The following EZH2 variants were observed in gnomAD, a reference collection of about 807,000 sequenced individuals.
The protein encoded by EZH2 is enhancer of zeste 2 polycomb repressive complex 2 subunit, also known as histone-lysine N-methyltransferase EZH2.
EZH2 carries 18 observed loss-of-function variants against 98.4 expected under a neutral mutation model. That is an observed-to-expected ratio of 0.18 (90% CI 0.13 to 0.27). EZH2 has a LOEUF of 0.27. Ranked by LOEUF, EZH2 falls within the 10% of genes least tolerant of loss-of-function variation. EZH2 has a pLI of 1.00. For synonymous variants in EZH2, 338 were observed against 312.3 expected, an observed-to-expected ratio of 1.08 and a Z score of -0.87; for missense variants, 470 against 935.1, an observed-to-expected ratio of 0.50 and a Z score of 6.49.
chr7:148,860,649 A>G (rs1265372051), intron 1 of EZH2, among the ~76,000 whole-genome samples: 2 of 152,196 alleles, frequency 1.3e-5, no homozygotes, highest in African/African-American at 2.4e-5. Context: ...ATGAAAAACT[A>G]AAGAGTTTTT....
At position 148,818,124 on chromosome 7, in the gene EZH2, A is replaced by G; in HGVS notation, c.1000-7T>C. 2 of 1,543,066 alleles carry G rather than the reference A, an allele frequency of 1.3e-6. No individual in the cohort carries two copies. The highest frequency in any genetic ancestry group is 1.7e-6 in the Non-Finnish European group (2 of 1,148,850). The stretch of plus-strand genomic sequence containing the variant: ...CAAACTCCTTTGCTCCCTCCTACGA[A>G]ATGAAAAATGTCAACATCAGGGCAA... On this transcript the variant is annotated splice_region_variant and splice_polypyrimidine_tract_variant and intron_variant, in intron 9 of 19. Transcript: ENST00000320356.
intron 3 of EZH2, among the ~76,000 whole-genome samples, chr7:148,833,884 C>A (rs1448634994): frequency 1.3e-5 from 2 of 152,150 alleles, no homozygotes; most frequent in Non-Finnish European, 2.9e-5. Flanking sequence ...CTCTGGAGCC[C>A]CTGCTCTTCC....
At position 148,814,807 on chromosome 7, in the gene EZH2, CAAGTA is replaced by C. The variant is rs1459522695; in HGVS notation, c.1672+102_1672+106del. The C allele has an allele frequency of 2.2e-5, 29 of 1,348,204 alleles. No homozygotes were observed. The African/African-American group carries it at 4.2e-4, about 20-fold the overall frequency. 83.5% of individuals were successfully genotyped at this position (1,348,204 alleles called of 1,614,324 possible). ...TACTTGTCAAATTGATGAGTTTCGT[CAAGTA>C]AACAAGGGAGTGCTCCCATGTTCTT... On this transcript the variant is annotated intron_variant, in intron 14 of 19. Transcript: ENST00000320356.
At chr7:148,816,588 T>A in intron 12 of EZH2, 96 bp downstream of exon 12, 1 of 833,974 alleles carries the variant, frequency 1.2e-6, no homozygotes, top group Non-Finnish European at 2.0e-6. Flanking sequence ...TTTTTAAAAA[T>A]AGACTAAGTA....
At chr7:148,847,821 A>G (rs144659533) in intron 1 of EZH2, among the ~76,000 whole-genome samples, 2 of 152,286 alleles carry the variant, frequency 1.3e-5, no homozygotes, top group Non-Finnish European at 2.9e-5. Flanking sequence ...CTCCCCACAC[A>G]CTTAATCATG....
At chr7:148,880,650 C>T (rs950537565) in intron 1 of EZH2, among the ~76,000 whole-genome samples, 3 of 152,274 alleles carry the variant, frequency 2.0e-5, no homozygotes, top group African/African-American at 7.2e-5. Context: ...TGTAATCATT[C>T]CCTATTAAAG....
At chr7:148,834,941 G>A (rs893825961) in intron 3 of EZH2, among the ~76,000 whole-genome samples, 1 of 152,202 alleles carries the variant, frequency 6.6e-6, no homozygotes, top group African/African-American at 2.4e-5. Context: ...GGACACTGAG[G>A]TTCAGAGAAG....
intron 16 of EZH2, among the ~76,000 whole-genome samples, chr7:148,811,324 CATT>C (rs1803025638): frequency 6.6e-6 from 1 of 152,088 alleles, no homozygotes; most frequent in Admixed American, 6.5e-5. Flanking sequence ...CTAATTTTTG[CATT>C]TTTTGTAGCA....
chr7:148,823,983 A>G (rs1395689601), intron 8 of EZH2, among the ~76,000 whole-genome samples: 1 of 152,146 alleles, frequency 6.6e-6, no homozygotes, highest in Admixed American at 6.5e-5. Flanking sequence ...TATCCCCAAG[A>G]TAAGAGACCA....
At chr7:148,879,128 G>A (rs567447055) in intron 1 of EZH2, among the ~76,000 whole-genome samples, 1 of 151,526 alleles carries the variant, frequency 6.6e-6, no homozygotes, top group Admixed American at 6.6e-5. Context: ...GGGAGGCTGA[G>A]GTAGGAGAAT....
At chr7:148,856,131 G>T (rs1816801398) in intron 1 of EZH2, among the ~76,000 whole-genome samples, 1 of 152,104 alleles carries the variant, frequency 6.6e-6, no homozygotes, top group African/African-American at 2.4e-5. Flanking sequence ...ATAATCTCAT[G>T]GAAGGAGCAG....
At chr7:148,869,605 T>C (rs542154817) in intron 1 of EZH2, among the ~76,000 whole-genome samples, 1 of 152,288 alleles carries the variant, frequency 6.6e-6, no homozygotes, top group African/African-American at 2.4e-5. Context: ...CTCAAAGTGC[T>C]GGGATTACTG....
At position 148,826,396 on chromosome 7, in the gene EZH2, A is replaced by C. The variant is rs1196966596; in HGVS notation, c.907+58T>G. 3 of 1,297,504 alleles carry C rather than the reference A, an allele frequency of 2.3e-6. No homozygotes were observed. In the East Asian group the frequency reaches 7.9e-5, roughly 34 times the overall value. The allele number at this position is 1,297,504 out of a possible 1,614,324, so 80.4% of individuals were successfully genotyped here. A position where few individuals can be genotyped will look rare whatever the true frequency, so the allele number is the denominator to read the frequency against. On this transcript the variant is annotated intron_variant, in intron 8 of 19. Coordinates refer to ENST00000320356, the MANE Select transcript of EZH2 (RefSeq NM_004456.5). ...AATTCTAGTTGTAATAAATGATAGCACTCTCCAAGCTGCTTTAAAACATAA... is the reference window on the plus strand; with the variant it reads ...AATTCTAGTTGTAATAAATGATAGCCCTCTCCAAGCTGCTTTAAAACATAA...
At chr7:148,811,127 C>T (rs1300522372) in intron 16 of EZH2, among the ~76,000 whole-genome samples, 1 of 152,142 alleles carries the variant, frequency 6.6e-6, no homozygotes, top group Non-Finnish European at 1.5e-5. Flanking sequence ...TAGAACCAAG[C>T]AATCCTGTTT....
intron 3 of EZH2, among the ~76,000 whole-genome samples, chr7:148,834,831 C>G (rs921080783): frequency 2.6e-5 from 4 of 152,198 alleles, no homozygotes; most frequent in African/African-American, 9.6e-5. Context: ...TGAGCACGTA[C>G]TATGTTGCAG....
intron 1 of EZH2, among the ~76,000 whole-genome samples, chr7:148,854,514 ATGTTTC>A (rs995169862): frequency 6.6e-5 from 10 of 152,326 alleles, no homozygotes; most frequent in African/African-American, 2.4e-4. Context: ...GGCCAAATAA[ATGTTTC>A]TGTTTCTATT....
intron 1 of EZH2, among the ~76,000 whole-genome samples, chr7:148,870,340 G>A (rs549242544): frequency 2.0e-5 from 3 of 152,164 alleles, no homozygotes; most frequent in East Asian, 1.9e-4. Flanking sequence ...AATATAACAC[G>A]TTTTAGATCA....
At chr7:148,813,206 G>C (rs1803627784) in intron 15 of EZH2, among the ~76,000 whole-genome samples, 1 of 151,938 alleles carries the variant, frequency 6.6e-6, no homozygotes, top group Non-Finnish European at 1.5e-5. Flanking sequence ...TCACTCACAG[G>C]GTTAGGAGAA....
chr7:148,867,174 A>G (rs1205104930), intron 1 of EZH2, among the ~76,000 whole-genome samples: 1 of 151,874 alleles, frequency 6.6e-6, no homozygotes, highest in Admixed American at 6.6e-5. Flanking sequence ...TAAAAATACA[A>G]AATTAGCTAG....
Sources: allele counts gnomAD v4.1 joint callset (sites outside exome capture counted in the v4.1 genomes callset), GRCh38; gene constraint gnomAD v4.1.1; transcripts MANE v1.5; gene names NCBI Gene and HGNC (gene_info 2026-07-23, HGNC 2026-07-21).